The following ANXA10 variants were observed in gnomAD, a reference collection of about 807,000 sequenced individuals.
ANXA10 encodes annexin A10.
ANXA10 carries 49 observed loss-of-function variants against 53.5 expected under a neutral mutation model. The ratio of observed to expected loss-of-function variants is 0.92; its 90% confidence interval spans 0.73 to 1.16. ANXA10 has a LOEUF of 1.16. Ranked by LOEUF, ANXA10 falls within the 50% of genes most tolerant of loss-of-function variation. The pLI is 0.00. For synonymous variants in ANXA10, 131 were observed against 128.9 expected (o/e 1.02, Z -0.11); for missense variants, 393 against 394.4 (o/e 1.00, Z 0.03).
At chr4:168,167,755 G>A (rs1283142489) in intron 6 of ANXA10, among the ~76,000 whole-genome samples, 2 of 152,072 alleles carry the variant, frequency 1.3e-5, no homozygotes, top group Admixed American at 6.5e-5. Flanking sequence ...ATATTTCTCC[G>A]GTATGACTTT....
Position 168,139,588 on chromosome 4 carries a change from C to A in ANXA10, c.195+8C>A, listed in dbSNP as rs186693327. 997 of 1,603,354 alleles carry A rather than the reference C, an allele frequency of 6.2e-4. 11 individuals are homozygous for A. The highest frequency in any genetic ancestry group is 3.0e-5 in the Non-Finnish European group (35 of 1,171,358). ...CAGAGCATGTATGGCCGGGTAAGGC[C>A]ACTTTATCTTGACCTATTTCTAGGG... On this transcript the variant is annotated splice_region_variant and intron_variant, in intron 3 of 11. Coordinates refer to ENST00000359299, the MANE Select transcript of ANXA10 (RefSeq NM_007193.5).
rs1175448165 is a variant in ANXA10 at position 168,156,037 on chromosome 4, TTATATTA to T, written c.196-6471_196-6465del. The stretch of plus-strand genomic sequence containing the variant: ...TATATATAATATATTATATATAGTA[TTATATTA>T]TATATTATATATTATATATCATATA... On this transcript the variant is annotated intron_variant, in intron 3 of 11. Transcript: ENST00000359299. Among the ~76,000 whole-genome samples, 303 of 34,812 alleles carry T rather than the reference TTATATTA, an allele frequency of 8.7e-3. 5 individuals are homozygous for T. The highest frequency in any genetic ancestry group is 0.04 in the African/African-American group (285 of 7,182). 22.8% of individuals were successfully genotyped at this position (34,812 alleles called of 152,430 possible). A position where few individuals can be genotyped will look rare whatever the true frequency, so the allele number is the denominator to read the frequency against.
chr4:168,139,081 T>C (rs28402991), intron 2 of ANXA10, among the ~76,000 whole-genome samples: 78,934 of 151,914 alleles, frequency 0.52, 20,992 homozygotes, highest in Non-Finnish European at 0.58. Flanking sequence ...AATTTGGGTG[T>C]TTTTTATTTT....
chr4:168,155,378 ATATTGAATGTATTATATAT>A (rs1411625422), intron 3 of ANXA10, among the ~76,000 whole-genome samples: 1 of 94,120 alleles, frequency 1.1e-5, no homozygotes, highest in African/African-American at 4.6e-5. Flanking sequence ...ATTATATATT[ATATTGAATGTATTATATAT>A]TATATATTAT....
At chr4:168,152,025 A>T (rs1731506205) in intron 3 of ANXA10, among the ~76,000 whole-genome samples, 1 of 152,216 alleles carries the variant, frequency 6.6e-6, no homozygotes, top group Non-Finnish European at 1.5e-5. Flanking sequence ...ACTATGTAAC[A>T]GGCACAGTTC....
intron 3 of ANXA10, among the ~76,000 whole-genome samples, chr4:168,140,631 T>TC (rs1731309836): frequency 1.3e-5 from 2 of 150,982 alleles, no homozygotes; most frequent in Admixed American, 6.6e-5. Context: ...TTTTTTTTTT[T>TC]CTTTGAGATG....
At chr4:168,168,609 C>T (rs1006354682) in intron 6 of ANXA10, among the ~76,000 whole-genome samples, 8 of 151,942 alleles carry the variant, frequency 5.3e-5, no homozygotes, top group Admixed American at 1.3e-4. Context: ...TTAGTAGAGA[C>T]GCGGTTTCAC....
chr4:168,096,726 G>A (rs1376927253), intron 1 of ANXA10, among the ~76,000 whole-genome samples: 2 of 151,316 alleles, frequency 1.3e-5, no homozygotes, highest in East Asian at 1.9e-4. Flanking sequence ...GAATTGTTTG[G>A]CATATAAAGC....
intron 1 of ANXA10, among the ~76,000 whole-genome samples, chr4:168,127,136 A>T (rs960940692): frequency 7.2e-5 from 11 of 152,064 alleles, no homozygotes; most frequent in African/African-American, 2.7e-4. Flanking sequence ...TTCTTAATAA[A>T]GTTTGATTGA....
intron 1 of ANXA10, chr4:168,127,859 T>A (rs1731095781): frequency 3.4e-6 from 1 of 292,676 alleles, no homozygotes; most frequent in East Asian, 9.2e-5. Context: ...CCTGAGTAGC[T>A]GGGATTACAG....
At chr4:168,160,480 A>G (rs1203968813) in intron 3 of ANXA10, among the ~76,000 whole-genome samples, 1 of 152,062 alleles carries the variant, frequency 6.6e-6, no homozygotes, top group African/African-American at 2.4e-5. Context: ...TAGGCTGATT[A>G]TGTATCTTTG....
chr4:168,120,322 T>C (rs767564190), intron 1 of ANXA10, among the ~76,000 whole-genome samples: 1 of 152,118 alleles, frequency 6.6e-6, no homozygotes, highest in Non-Finnish European at 1.5e-5. Context: ...TTCCAAGCAA[T>C]GTTTTTCCAC....
intron 3 of ANXA10, among the ~76,000 whole-genome samples, chr4:168,152,938 G>A (rs537760154): frequency 8.6e-5 from 13 of 151,948 alleles, no homozygotes; most frequent in Middle Eastern, 3.4e-3. Flanking sequence ...CACCCTCACG[G>A]GCTCAGGTAA....
chr4:168,172,516 T>C (rs1732033391), intron 6 of ANXA10, among the ~76,000 whole-genome samples: 1 of 152,324 alleles, frequency 6.6e-6, no homozygotes, highest in African/African-American at 2.4e-5. Flanking sequence ...TATCTAAAGT[T>C]ATTTCTTTAC....
chr4:168,096,555 G>C (rs1579196631), intron 1 of ANXA10, among the ~76,000 whole-genome samples: 3 of 151,930 alleles, frequency 2.0e-5, no homozygotes, highest in East Asian at 3.9e-4. Context: ...CTAGGGGCTG[G>C]GCAAACATCA....
chr4:168,117,687 G>T (rs1424172577), intron 1 of ANXA10, among the ~76,000 whole-genome samples: 2 of 152,152 alleles, frequency 1.3e-5, no homozygotes, highest in Non-Finnish European at 2.9e-5. Context: ...CATCACCGAA[G>T]TTCTAAATAG....
chr4:168,118,457 A>AT (rs1730933029), intron 1 of ANXA10, among the ~76,000 whole-genome samples: 1 of 152,136 alleles, frequency 6.6e-6, no homozygotes, highest in African/African-American at 2.4e-5. Flanking sequence ...CTCCTGAAAA[A>AT]TTCTTTAGAA....
intron 3 of ANXA10, among the ~76,000 whole-genome samples, chr4:168,158,556 CTTTT>C (rs571281716): frequency 3.9e-5 from 6 of 152,014 alleles, no homozygotes; most frequent in Non-Finnish European, 8.8e-5. Flanking sequence ...TTTGGCTTTT[CTTTT>C]TAAGTATATA....
At chr4:168,121,406 G>A (rs1019973324) in intron 1 of ANXA10, among the ~76,000 whole-genome samples, 2 of 151,888 alleles carry the variant, frequency 1.3e-5, no homozygotes, top group African/African-American at 2.4e-5. Context: ...CATGTTAGCC[G>A]TTTATTTTAA....
Sources: allele counts gnomAD v4.1 joint callset (sites outside exome capture counted in the v4.1 genomes callset), GRCh38; gene constraint gnomAD v4.1.1; transcripts MANE v1.5; gene names NCBI Gene and HGNC (gene_info 2026-07-23, HGNC 2026-07-21).